HMG20A: variants seen among roughly 807,000 people sequenced by gnomAD.
HMG20A encodes the protein high mobility group protein 20A.
HMG20A carries 17 observed loss-of-function variants against 43.9 expected under a neutral mutation model. The ratio of observed to expected loss-of-function variants is 0.39; its 90% confidence interval spans 0.27 to 0.58. The LOEUF (loss-of-function observed/expected upper bound fraction) is 0.58. HMG20A is among the 20% of genes least tolerant of loss of function. The pLI, the probability that HMG20A is intolerant of heterozygous loss-of-function variation, is 0.59. For missense variants in HMG20A, 341 were observed against 438.2 expected (o/e 0.78, Z 1.98); for synonymous variants, 132 against 147.5 (o/e 0.89, Z 0.76).
intron 3 of HMG20A, among the ~76,000 whole-genome samples, chr15:77,466,692 G>T (rs991375211): frequency 6.6e-6 from 1 of 152,166 alleles, no homozygotes; most frequent in Non-Finnish European, 1.5e-5. Flanking sequence ...CCACAATGCT[G>T]CATGTGCTGC....
At chr15:77,481,109 A>G (rs1401628319) in intron 9 of HMG20A, among the ~76,000 whole-genome samples, 1 of 152,274 alleles carries the variant, frequency 6.6e-6, no homozygotes, top group East Asian at 1.9e-4. Flanking sequence ...ATAAAGATAA[A>G]TGCCTAGTAA....
At chr15:77,473,728 T>G (rs1055145248) in intron 6 of HMG20A, among the ~76,000 whole-genome samples, 1 of 152,204 alleles carries the variant, frequency 6.6e-6, no homozygotes, top group Non-Finnish European at 1.5e-5. Flanking sequence ...TTTCTGTGAT[T>G]TGCAAAAAGA....
chr15:77,456,791 G>T (rs1236156956), intron 1 of HMG20A, among the ~76,000 whole-genome samples: 2 of 152,200 alleles, frequency 1.3e-5, no homozygotes, highest in African/African-American at 4.8e-5. Context: ...GTGAGGTGAT[G>T]TTAGCAGCCC....
At chr15:77,494,732 C>A in the HMG20A span, among the ~76,000 whole-genome samples, 2 of 152,010 alleles carry the variant, frequency 1.3e-5, no homozygotes, top group South Asian at 4.2e-4. Context: ...ATAGTTCAGA[C>A]CAAATGAATT....
At chr15:77,503,951 G>A in the HMG20A span, among the ~76,000 whole-genome samples, 19 of 152,298 alleles carry the variant, frequency 1.2e-4, no homozygotes, top group African/African-American at 3.8e-4. Context: ...GCACAGCGGG[G>A]ACTTAAATTT....
rs114940546 is a variant in HMG20A, at chr15:77,447,385, T to C, written c.-4-11019T>C. ...TACAAAAACTGATACAAAATACTAT[T>C]CTTAGATGTTTTGGTTTTGTGGAGT... is the stretch of plus-strand genomic sequence containing the variant. On this transcript the variant is annotated intron_variant, in intron 1 of 9. Coordinates refer to ENST00000336216, the MANE Select transcript of HMG20A (RefSeq NM_001304504.2). Among the ~76,000 whole-genome samples the C allele has an allele frequency of 5.9e-5, 9 of 152,294 alleles. No homozygotes were observed. In the East Asian group the frequency reaches 1.7e-3, roughly 29 times the overall value.
At chr15:77,488,163 A>T (rs973002907), downstream of HMG20A, among the ~76,000 whole-genome samples, 1 of 152,182 alleles carries the variant, frequency 6.6e-6, no homozygotes, top group Admixed American at 6.5e-5. Flanking sequence ...CAGTGGGAGG[A>T]TGTCTTATAT....
At chr15:77,514,946 G>A in the HMG20A span, among the ~76,000 whole-genome samples, 1 of 152,184 alleles carries the variant, frequency 6.6e-6, no homozygotes, top group Non-Finnish European at 1.5e-5. Flanking sequence ...ATCGTAGGTG[G>A]GGCAAGGGAT....
intron 6 of HMG20A, among the ~76,000 whole-genome samples, chr15:77,474,164 C>T (rs1398979602): frequency 6.6e-6 from 1 of 152,234 alleles, no homozygotes; most frequent in Non-Finnish European, 1.5e-5. Flanking sequence ...TGAATCAGGA[C>T]TTAAAAATGA....
At chr15:77,444,527 GA>G (rs905658199) in intron 1 of HMG20A, among the ~76,000 whole-genome samples, 1 of 151,860 alleles carries the variant, frequency 6.6e-6, no homozygotes, top group African/African-American at 2.4e-5. Flanking sequence ...ATTTCACCTT[GA>G]AAAAAAGAAA....
At chr15:77,460,684 C>T (rs529362639) in intron 2 of HMG20A, among the ~76,000 whole-genome samples, 45 of 152,090 alleles carry the variant, frequency 3.0e-4, no homozygotes, top group African/African-American at 1.1e-3. Flanking sequence ...GATACTCCAT[C>T]ATTTAAAAGT....
At chr15:77,506,682 G>A in the HMG20A span, among the ~76,000 whole-genome samples, 3 of 152,188 alleles carry the variant, frequency 2.0e-5, no homozygotes, top group Non-Finnish European at 2.9e-5. Flanking sequence ...GCCACACTGC[G>A]CCCAGCCCAC....
At chr15:77,499,376 T>A in the HMG20A span, among the ~76,000 whole-genome samples, 2 of 152,186 alleles carry the variant, frequency 1.3e-5, no homozygotes, top group South Asian at 4.1e-4. Flanking sequence ...AAATTAAATA[T>A]GTATTCTTCC....
chr15:77,507,182 G>T, the HMG20A span, among the ~76,000 whole-genome samples: 8 of 152,312 alleles, frequency 5.3e-5, no homozygotes, highest in East Asian at 1.2e-3. Context: ...GCTTTTCTGG[G>T]TGTGGACTCC....
At chr15:77,518,673 G>A in the HMG20A span, among the ~76,000 whole-genome samples, 1 of 152,168 alleles carries the variant, frequency 6.6e-6, no homozygotes, top group Non-Finnish European at 1.5e-5. Context: ...CTTGCCTCTC[G>A]CTTTGCACCA....
At chr15:77,438,822 C>G (rs2073578496) in intron 1 of HMG20A, among the ~76,000 whole-genome samples, 1 of 151,908 alleles carries the variant, frequency 6.6e-6, no homozygotes, top group African/African-American at 2.4e-5. Context: ...GACGGAGTCT[C>G]CTCTGTCACC....
intron 3 of HMG20A, among the ~76,000 whole-genome samples, chr15:77,465,287 A>G (rs1190784542): frequency 1.1e-4 from 16 of 147,616 alleles, no homozygotes; most frequent in Non-Finnish European, 3.0e-5. Flanking sequence ...AAAAAAAAAG[A>G]AAGAAAAAAA....
At chr15:77,458,932 A>T (rs2072681023) in intron 2 of HMG20A, among the ~76,000 whole-genome samples, 1 of 152,136 alleles carries the variant, frequency 6.6e-6, no homozygotes, top group African/African-American at 2.4e-5. Context: ...TCCTTTCCCC[A>T]TCCCACCCCC....
At chr15:77,457,015 C>T (rs759907618) in intron 1 of HMG20A, among the ~76,000 whole-genome samples, 2 of 152,202 alleles carry the variant, frequency 1.3e-5, no homozygotes, top group African/African-American at 2.4e-5. Context: ...AGAAGTTCCT[C>T]TCTACCTTCC....
Sources: allele counts gnomAD v4.1 joint callset (sites outside exome capture counted in the v4.1 genomes callset), GRCh38; gene constraint gnomAD v4.1.1; transcripts MANE v1.5; gene names NCBI Gene and HGNC (gene_info 2026-07-23, HGNC 2026-07-21).